The following FSTL4 variants were observed in gnomAD, a reference collection of about 807,000 sequenced individuals.
The protein encoded by FSTL4 is follistatin like 4.
In FSTL4, 28 loss-of-function variants were observed where a neutral mutation model predicts 78.2. The ratio of observed to expected loss-of-function variants is 0.36; its 90% CI spans 0.27 to 0.49. FSTL4 has a LOEUF of 0.49. Ranked by LOEUF, FSTL4 falls within the 20% of genes least tolerant of loss-of-function variation. FSTL4 has a pLI of 0.98. For missense variants in FSTL4, 922 were observed against 1,084.9 expected (o/e 0.85, Z 2.11); for synonymous variants, 422 against 440.5 (o/e 0.96, Z 0.53).
chr5:133,419,285 A>C (rs1352162018), intron 3 of FSTL4, among the ~76,000 whole-genome samples: 1 of 152,032 alleles, frequency 6.6e-6, no homozygotes, highest in East Asian at 1.9e-4. Context: ...ATGCCCAGCT[A>C]ATTTTTGTAT....
At chr5:133,663,899 G>C in the FSTL4 span, among the ~76,000 whole-genome samples, 1 of 152,214 alleles carries the variant, frequency 6.6e-6, no homozygotes, top group Non-Finnish European at 1.5e-5. Flanking sequence ...ATCTTCCAGT[G>C]CTTCTGTGAG....
the FSTL4 span, among the ~76,000 whole-genome samples, chr5:133,699,880 C>CAAAAAAAA: frequency 9.6e-5 from 6 of 62,456 alleles, 1 homozygote; most frequent in Admixed American, 1.9e-4. Flanking sequence ...GACTCCATCT[C>CAAAAAAAA]AAAAAAAAAA....
chr5:133,778,348 A>C, the FSTL4 span, among the ~76,000 whole-genome samples: 2 of 152,214 alleles, frequency 1.3e-5, no homozygotes, highest in African/African-American at 4.8e-5. Context: ...CTCTAAAAAA[A>C]AAAATGTCCC....
chr5:133,819,449 C>T, the FSTL4 span, among the ~76,000 whole-genome samples: 3 of 152,176 alleles, frequency 2.0e-5, no homozygotes, highest in Admixed American at 1.3e-4. Context: ...CTCTCAGGAG[C>T]CTCTCTGACC....
chr5:133,765,952 C>A, the FSTL4 span, among the ~76,000 whole-genome samples: 2 of 152,178 alleles, frequency 1.3e-5, no homozygotes, highest in African/African-American at 4.8e-5. Flanking sequence ...AAGAGCTGTG[C>A]AGGAAAGTTT....
At chr5:133,534,784 C>T (rs985811585) in intron 3 of FSTL4, among the ~76,000 whole-genome samples, 1 of 152,192 alleles carries the variant, frequency 6.6e-6, no homozygotes, top group Non-Finnish European at 1.5e-5. Flanking sequence ...ACATCCCCAG[C>T]TGTCCCCAGC....
intron 3 of FSTL4, among the ~76,000 whole-genome samples, chr5:133,491,148 T>C (rs1319738093): frequency 6.6e-6 from 1 of 152,222 alleles, no homozygotes; most frequent in African/African-American, 2.4e-5. Flanking sequence ...TAAATTTTTG[T>C]TTGCTTGACA....
intron 3 of FSTL4, among the ~76,000 whole-genome samples, chr5:133,441,128 G>GA (rs535003146): frequency 3.9e-5 from 6 of 152,164 alleles, no homozygotes; most frequent in Non-Finnish European, 8.8e-5. Context: ...GGGAGAGAAA[G>GA]AAGCCAAGAC....
the FSTL4 span, among the ~76,000 whole-genome samples, chr5:133,820,095 G>A: frequency 1.1e-4 from 16 of 152,132 alleles, no homozygotes; most frequent in South Asian, 2.1e-4. Flanking sequence ...GCAGTGCCTC[G>A]TGTCAGCAGG....
the FSTL4 span, among the ~76,000 whole-genome samples, chr5:133,804,323 G>A: frequency 1.3e-5 from 2 of 152,132 alleles, no homozygotes; most frequent in Admixed American, 6.5e-5. Flanking sequence ...GGCCTGCCAC[G>A]ATACTGCATG....
chr5:133,349,286 CCTCT>C (rs144025396), intron 4 of FSTL4, among the ~76,000 whole-genome samples: 80 of 143,268 alleles, frequency 5.6e-4, no homozygotes, highest in South Asian at 2.1e-3. Flanking sequence ...CTGTTGAAAG[CCTCT>C]CTCTCTGTGT....
rs184195629 is a variant in FSTL4, at chr5:133,264,655, C to T, written c.728-15079G>A. 3.9e-4 allele frequency among the ~76,000 whole-genome samples: 59 copies of T among 152,270 alleles called. No homozygotes were observed. The South Asian group carries it at 6.7e-3, about 17-fold the overall frequency. On this transcript the variant is annotated intron_variant, in intron 6 of 15. Coordinates refer to ENST00000265342, the MANE Select transcript of FSTL4 (RefSeq NM_015082.2). ...AGCAAAGTTTTAAAGTATTGGGATG[C>T]GAGAAATCTCTTTCCCTTATATGGG... is the stretch of plus-strand genomic sequence containing the variant.
At chr5:133,653,767 A>G in the FSTL4 span, among the ~76,000 whole-genome samples, 1 of 152,208 alleles carries the variant, frequency 6.6e-6, no homozygotes, top group Non-Finnish European at 1.5e-5. Flanking sequence ...AGAAGATTAG[A>G]TATCTGTGAT....
At chr5:133,651,243 A>AGG in the FSTL4 span, among the ~76,000 whole-genome samples, 1 of 151,906 alleles carries the variant, frequency 6.6e-6, no homozygotes, top group Non-Finnish European at 1.5e-5. Flanking sequence ...TTCTTGTCTT[A>AGG]TTGCACTAGC....
At chr5:133,750,533 G>A in the FSTL4 span, among the ~76,000 whole-genome samples, 1 of 152,110 alleles carries the variant, frequency 6.6e-6, no homozygotes, top group Non-Finnish European at 1.5e-5. Flanking sequence ...GCATCACTGT[G>A]GGTGAGGGCA....
At chr5:133,807,994 T>G in the FSTL4 span, among the ~76,000 whole-genome samples, 1 of 152,192 alleles carries the variant, frequency 6.6e-6, no homozygotes, top group Non-Finnish European at 1.5e-5. Flanking sequence ...TGCTTCTGTC[T>G]CTACCCACCA....
intron 3 of FSTL4, among the ~76,000 whole-genome samples, chr5:133,478,903 TC>T (rs1409294188): frequency 6.6e-6 from 1 of 152,108 alleles, no homozygotes; most frequent in Non-Finnish European, 1.5e-5. Context: ...AGCCGCCCCA[TC>T]CACAGCAGTG....
At chr5:133,525,057 C>T (rs574181319) in intron 3 of FSTL4, among the ~76,000 whole-genome samples, 4 of 152,302 alleles carry the variant, frequency 2.6e-5, no homozygotes, top group African/African-American at 7.2e-5. Context: ...TGGAGTCTTC[C>T]CAGCAGACGG....
At chr5:133,325,351 TG>T (rs1269924334) in intron 4 of FSTL4, among the ~76,000 whole-genome samples, 1 of 152,048 alleles carries the variant, frequency 6.6e-6, no homozygotes, top group Non-Finnish European at 1.5e-5. Flanking sequence ...TCAAGGTGGG[TG>T]GGGGGAATCC....
Sources: gnomAD v4.1 joint callset for allele counts (sites outside exome capture counted in the v4.1 genomes callset) on GRCh38, gnomAD v4.1.1 for gene constraint, MANE v1.5 for transcripts, NCBI Gene and HGNC (gene_info 2026-07-23, HGNC 2026-07-21) for gene names.